Variants in CERS6 observed in about 807,000 individuals in gnomAD.
The protein encoded by CERS6 is LAG1 homolog, ceramide synthase 6.
A neutral mutation model predicts 56.8 loss-of-function variants in CERS6; 26 were observed. The observed-to-expected ratio is 0.46, with a 90% CI of 0.34 to 0.63. The LOEUF (loss-of-function observed/expected upper bound fraction) is 0.63. Among genes scored for constraint, CERS6 ranks in the 30% least tolerant of loss-of-function variants. The pLI is 0.01. For missense variants in CERS6, 415 were observed against 467.5 expected, an observed-to-expected ratio of 0.89 and a Z score of 1.04; for synonymous variants, 164 against 173.3, an observed-to-expected ratio of 0.95 and a Z score of 0.42.
intron 3 of CERS6, among the ~76,000 whole-genome samples, chr2:168,595,139 C>G (rs920451543): frequency 2.6e-5 from 4 of 152,158 alleles, no homozygotes; most frequent in Admixed American, 1.3e-4. Context: ...AGCACCCTAA[C>G]ACTCAAAGCA....
chr2:168,566,036 ATT>A (rs1439765447), intron 3 of CERS6, among the ~76,000 whole-genome samples: 1 of 152,176 alleles, frequency 6.6e-6, no homozygotes, highest in Non-Finnish European at 1.5e-5. Flanking sequence ...TATTAAATAT[ATT>A]TGCTGGATGT....
At chr2:168,576,901 C>T (rs1482670239) in intron 3 of CERS6, among the ~76,000 whole-genome samples, 1 of 152,140 alleles carries the variant, frequency 6.6e-6, no homozygotes, top group Non-Finnish European at 1.5e-5. Context: ...TTAGCCTAGG[C>T]AGTTAGACAG....
intron 1 of CERS6, among the ~76,000 whole-genome samples, chr2:168,461,087 G>A (rs1176507119): frequency 6.6e-6 from 1 of 152,038 alleles, no homozygotes; most frequent in African/African-American, 2.4e-5. Flanking sequence ...TATCAGGTGA[G>A]GTTCATTACT....
At chr2:168,758,711 A>G (rs1684482023) in intron 8 of CERS6, among the ~76,000 whole-genome samples, 1 of 152,184 alleles carries the variant, frequency 6.6e-6, no homozygotes. Flanking sequence ...TATTACGGAG[A>G]ATGGATTTAA....
chr2:168,735,228 C>G (rs997059579), intron 8 of CERS6, among the ~76,000 whole-genome samples: 1 of 151,972 alleles, frequency 6.6e-6, no homozygotes, highest in Non-Finnish European at 1.5e-5. Flanking sequence ...TCATTTGCAG[C>G]TATCAGTGCT....
At chr2:168,744,034 G>A (rs1684015139) in intron 8 of CERS6, among the ~76,000 whole-genome samples, 1 of 104,850 alleles carries the variant, frequency 9.5e-6, no homozygotes, top group Non-Finnish European at 1.8e-5. Flanking sequence ...GTCTTGCTCT[G>A]TCACCCAGGC....
At position 168,724,755 on chromosome 2, in the gene CERS6, G is replaced by A. The variant is rs150643087; in HGVS notation, c.845+6777G>A. Among the ~76,000 whole-genome samples, 1,082 of 152,332 alleles carry A rather than the reference G, an allele frequency of 7.1e-3. 14 individuals carry two copies. Among genetic ancestry groups the A allele is most frequent in the African/African-American group, 0.024 (986 of 41,564 alleles). Reference sequence around the variant, plus strand: ...AACCTTGAGTTTGAGACAGAGTGCCGATTGGTGTATTTACAATCCCTGAGC... The same window carrying A: ...AACCTTGAGTTTGAGACAGAGTGCCAATTGGTGTATTTACAATCCCTGAGC... On this transcript the variant is annotated intron_variant, in intron 8 of 9. Transcript: ENST00000305747.
intron 3 of CERS6, among the ~76,000 whole-genome samples, chr2:168,618,898 C>G (rs916763010): frequency 6.6e-6 from 1 of 151,946 alleles, no homozygotes; most frequent in Non-Finnish European, 1.5e-5. Flanking sequence ...TTATATGGAA[C>G]CAAAAAAGAG....
At chr2:168,476,892 C>G (rs777879555) in intron 1 of CERS6, among the ~76,000 whole-genome samples, 1 of 152,118 alleles carries the variant, frequency 6.6e-6, no homozygotes, top group Non-Finnish European at 1.5e-5. Flanking sequence ...CAGTCATATA[C>G]ATACCCCAAA....
intron 9 of CERS6, among the ~76,000 whole-genome samples, chr2:168,768,938 A>AG (rs1684796336): frequency 6.6e-6 from 1 of 151,660 alleles, no homozygotes; most frequent in African/African-American, 2.4e-5. Flanking sequence ...GAAAAAAAAA[A>AG]TGCTTCCTGC....
At chr2:168,685,130 T>G (rs1038237110) in intron 4 of CERS6, among the ~76,000 whole-genome samples, 1 of 152,200 alleles carries the variant, frequency 6.6e-6, no homozygotes. Flanking sequence ...CTGGGCTTTG[T>G]GAAAGCTAGG....
At chr2:168,652,163 A>T (rs1332548509) in intron 4 of CERS6, among the ~76,000 whole-genome samples, 1 of 152,052 alleles carries the variant, frequency 6.6e-6, no homozygotes, top group Non-Finnish European at 1.5e-5. Context: ...CTAATCAAAT[A>T]AGCAAACTTA....
chr2:168,516,181 A>G (rs557979410), intron 1 of CERS6, among the ~76,000 whole-genome samples: 1 of 152,260 alleles, frequency 6.6e-6, no homozygotes, highest in East Asian at 1.9e-4. Flanking sequence ...TGGGAAGAAC[A>G]CAGGGCTAAG....
At chr2:168,758,399 A>G (rs1175867814) in intron 8 of CERS6, among the ~76,000 whole-genome samples, 1 of 152,202 alleles carries the variant, frequency 6.6e-6, no homozygotes, top group Non-Finnish European at 1.5e-5. Flanking sequence ...TTGGCTCTGG[A>G]TATTTGACTT....
chr2:168,526,011 A>T (rs953474505), intron 1 of CERS6, among the ~76,000 whole-genome samples: 1 of 152,198 alleles, frequency 6.6e-6, no homozygotes, highest in Non-Finnish European at 1.5e-5. Flanking sequence ...ATGTCCACTC[A>T]GTGTGCTTTC....
At chr2:168,524,602 C>T (rs1475755448) in intron 1 of CERS6, among the ~76,000 whole-genome samples, 1 of 152,120 alleles carries the variant, frequency 6.6e-6, no homozygotes, top group African/African-American at 2.4e-5. Flanking sequence ...ATTATTGTTG[C>T]TGTAGCACTC....
intron 4 of CERS6, among the ~76,000 whole-genome samples, chr2:168,637,510 AC>A (rs528863591): frequency 1.1e-3 from 165 of 152,262 alleles, no homozygotes; most frequent in African/African-American, 3.7e-3. Flanking sequence ...ACACAGGAAC[AC>A]TAAATATGGA....
intron 4 of CERS6, chr2:168,644,197 G>A (rs544127897): frequency 1.5e-4 from 139 of 941,336 alleles, no homozygotes; most frequent in Admixed American, 2.5e-4. Flanking sequence ...TAGGATTACA[G>A]AAGGGGGAGG....
intron 4 of CERS6, among the ~76,000 whole-genome samples, chr2:168,671,834 T>A (rs1188949904): frequency 6.6e-6 from 1 of 152,198 alleles, no homozygotes; most frequent in East Asian, 1.9e-4. Context: ...ACTAGTAATA[T>A]TTAAGCACTC....
Sources: allele counts gnomAD v4.1 joint callset (sites outside exome capture counted in the v4.1 genomes callset), GRCh38; gene constraint gnomAD v4.1.1; transcripts MANE v1.5; gene names NCBI Gene and HGNC (gene_info 2026-07-23, HGNC 2026-07-21).